Variants in UIMC1 observed in about 807,000 individuals in gnomAD.
UIMC1 encodes the protein BRCA1-A complex subunit RAP80.
Under a neutral mutation model 84.9 loss-of-function variants are expected in UIMC1, and 42 were observed. That is an observed-to-expected ratio of 0.49 (90% confidence interval 0.39 to 0.64). UIMC1 has a LOEUF of 0.64. Ranked by LOEUF, UIMC1 falls within the 30% of genes least tolerant of loss-of-function variation. UIMC1 has a pLI of 0.00. For missense variants in UIMC1, 825 were observed against 847.6 expected (o/e 0.97, Z 0.33); for synonymous variants, 281 against 293.0 (o/e 0.96, Z 0.42).
intron 7 of UIMC1, among the ~76,000 whole-genome samples, chr5:176,956,928 G>C (rs955917032): frequency 4.6e-5 from 7 of 152,052 alleles, no homozygotes; most frequent in African/African-American, 1.7e-4. Flanking sequence ...AGTTTACTCT[G>C]CATGTAACAT....
At chr5:177,000,321 C>T (rs955298546) in intron 1 of UIMC1, among the ~76,000 whole-genome samples, 1 of 151,992 alleles carries the variant, frequency 6.6e-6, no homozygotes, top group Admixed American at 6.6e-5. Context: ...ACATTCCCAC[C>T]AACAGTGTAC....
chr5:177,004,299 G>C (rs1561931421), intron 1 of UIMC1, among the ~76,000 whole-genome samples: 1 of 152,138 alleles, frequency 6.6e-6, no homozygotes, highest in Non-Finnish European at 1.5e-5. Flanking sequence ...GCTCCCCACA[G>C]ATACAAATTC....
At chr5:176,944,443 T>C (rs147302798) in intron 9 of UIMC1, among the ~76,000 whole-genome samples, 58 of 152,348 alleles carry the variant, frequency 3.8e-4, no homozygotes, top group African/African-American at 1.4e-3. Flanking sequence ...AATTCAACAG[T>C]GTGTGTGAGC....
chr5:176,911,650 A>G (rs1257851340), intron 10 of UIMC1, among the ~76,000 whole-genome samples: 1 of 152,204 alleles, frequency 6.6e-6, no homozygotes, highest in Non-Finnish European at 1.5e-5. Context: ...GATCTACTCC[A>G]CACCAAGAAA....
intron 3 of UIMC1, among the ~76,000 whole-genome samples, chr5:176,973,915 C>G (rs1450634654): frequency 1.3e-5 from 2 of 151,936 alleles, no homozygotes; most frequent in African/African-American, 4.8e-5. Context: ...AAAAAATTAG[C>G]TGGGTATGGT....
intron 10 of UIMC1, among the ~76,000 whole-genome samples, chr5:176,934,208 A>C (rs1763451948): frequency 6.6e-6 from 1 of 152,210 alleles, no homozygotes; most frequent in African/African-American, 2.4e-5. Context: ...CCACTATAAA[A>C]AGCAATTAAT....
chr5:176,947,362 A>T (rs533915251), intron 9 of UIMC1, among the ~76,000 whole-genome samples: 12 of 152,126 alleles, frequency 7.9e-5, no homozygotes, highest in South Asian at 6.2e-4. Context: ...ATATATATAT[A>T]TTTTTTAAGT....
intron 3 of UIMC1, among the ~76,000 whole-genome samples, chr5:176,974,382 T>C (rs1477021613): frequency 6.6e-6 from 1 of 152,066 alleles, no homozygotes; most frequent in Non-Finnish European, 1.5e-5. Context: ...TTGCACCATA[T>C]ACAAAAACTC....
Position 177,000,498 on chromosome 5 carries a change from C to CTTTTTTTTTTTTTTTTTTTTTTTTTTT in UIMC1, c.-9+6151_-9+6152insAAAAAAAAAAAAAAAAAAAAAAAAAAA, listed in dbSNP as rs966855813. On this transcript the variant is annotated intron_variant, in intron 1 of 14. Transcript: ENST00000511320. ...ATATGCCTGTTTTCCACTTGCATGT[C>CTTTTTTTTTTTTTTTTTTTTTTTTTTT]TTTTTTTTTTTTTTTTTTTGAGATG... Among the ~76,000 whole-genome samples, 40 of 113,362 alleles carry CTTTTTTTTTTTTTTTTTTTTTTTTTTT rather than the reference C, an allele frequency of 3.5e-4. 1 individual carries two copies. The highest frequency in any genetic ancestry group is 8.0e-4 in the African/African-American group (20 of 25,094). The allele number at this position is 113,362 out of a possible 152,430, so 74.4% of individuals were successfully genotyped here.
chr5:176,943,168 T>G (rs1764655939), intron 10 of UIMC1, among the ~76,000 whole-genome samples, 167 bp downstream of exon 10: 1 of 152,152 alleles, frequency 6.6e-6, no homozygotes, highest in Non-Finnish European at 1.5e-5. Context: ...CTAAAAGTAA[T>G]GATGAACATA....
chr5:176,947,395 T>G (rs1765262018), intron 9 of UIMC1, among the ~76,000 whole-genome samples: 3 of 152,208 alleles, frequency 2.0e-5, no homozygotes, highest in Admixed American at 2.0e-4. Context: ...GTGCACAATG[T>G]GCTGGTTTGT....
intron 1 of UIMC1, among the ~76,000 whole-genome samples, chr5:177,005,719 G>C (rs921114405): frequency 1.3e-5 from 2 of 151,670 alleles, no homozygotes; most frequent in African/African-American, 4.8e-5. Context: ...CCCTTGACAG[G>C]AAAACAATAA....
chr5:176,931,922 G>A (rs570850984), intron 10 of UIMC1, among the ~76,000 whole-genome samples: 8 of 152,250 alleles, frequency 5.3e-5, no homozygotes, highest in Middle Eastern at 3.4e-3. Flanking sequence ...GCAGTGAGCC[G>A]AGATCGCACC....
intron 1 of UIMC1, among the ~76,000 whole-genome samples, chr5:177,000,426 T>C (rs1774272728): frequency 6.6e-6 from 1 of 152,088 alleles, no homozygotes. Context: ...TTCACTGTAG[T>C]TGTGACTTGC....
chr5:176,970,960 G>A (rs1769113767), intron 3 of UIMC1, 94 bp from the exon 4 acceptor site: 1 of 1,439,786 alleles, frequency 6.9e-7, no homozygotes. Context: ...TTCAACTGAA[G>A]ACACTACCAG....
chr5:176,968,485 A>G, intron 6 of UIMC1, 70 bp downstream of exon 6: 1 of 1,521,512 alleles, frequency 6.6e-7, no homozygotes, highest in South Asian at 1.4e-5. Flanking sequence ...CCACAAAAAT[A>G]ACAGCTAAAA....
intron 10 of UIMC1, among the ~76,000 whole-genome samples, chr5:176,926,623 C>A (rs1762415259): frequency 6.6e-6 from 1 of 151,030 alleles, no homozygotes; most frequent in Non-Finnish European, 1.5e-5. Flanking sequence ...GGTGACAAAG[C>A]AAGACCCTGT....
At chr5:176,931,177 T>C (rs1288196726) in intron 10 of UIMC1, among the ~76,000 whole-genome samples, 2 of 152,130 alleles carry the variant, frequency 1.3e-5, no homozygotes, top group Non-Finnish European at 2.9e-5. Context: ...TAATAGATAA[T>C]TATAGTCTTG....
chr5:176,950,290 T>A (rs1765700482), intron 9 of UIMC1, among the ~76,000 whole-genome samples: 1 of 150,606 alleles, frequency 6.6e-6, no homozygotes, highest in Non-Finnish European at 1.5e-5. Flanking sequence ...AGTAGAGACA[T>A]GGTTTCACCA....
Sources: gnomAD v4.1 joint callset for allele counts (sites outside exome capture counted in the v4.1 genomes callset) on GRCh38, gnomAD v4.1.1 for gene constraint, MANE v1.5 for transcripts, NCBI Gene and HGNC (gene_info 2026-07-23, HGNC 2026-07-21) for gene names.